YEATS2: variants seen among roughly 807,000 people sequenced by gnomAD.
YEATS2 encodes YEATS domain-containing protein 2.
YEATS2 carries 77 observed loss-of-function variants against 163.2 expected under a neutral mutation model. That is an observed-to-expected ratio of 0.47 (90% CI 0.39 to 0.57). The LOEUF is 0.57. YEATS2 is among the 20% of genes least tolerant of loss of function. YEATS2 has a pLI of 0.00. For missense variants in YEATS2, 1,549 were observed against 1,729.8 expected (o/e 0.90, Z 1.85); for synonymous variants, 631 against 645.1 (o/e 0.98, Z 0.33).
At chr3:183,808,965 T>A (rs1005560768) in intron 29 of YEATS2, 132 bp from the exon 30 acceptor site, 13 of 795,920 alleles carry the variant, frequency 1.6e-5, no homozygotes, top group African/African-American at 1.5e-4. Flanking sequence ...GGCCTTTAAT[T>A]TTTTCTTAAG....
intron 1 of YEATS2, among the ~76,000 whole-genome samples, chr3:183,705,846 T>C (rs1036727164): frequency 3.3e-5 from 5 of 152,228 alleles, no homozygotes; most frequent in Admixed American, 6.6e-5. Flanking sequence ...GAGACCATCC[T>C]GGCTAACATG....
chr3:183,794,416 C>T (rs896794446), intron 21 of YEATS2, among the ~76,000 whole-genome samples: 2 of 152,216 alleles, frequency 1.3e-5, no homozygotes, highest in Non-Finnish European at 2.9e-5. Flanking sequence ...TAGCATACTG[C>T]TGCTTTTCAA....
intron 16 of YEATS2, 66 bp downstream of exon 16, chr3:183,772,629 AT>A: frequency 6.3e-7 from 1 of 1,587,584 alleles, no homozygotes; most frequent in East Asian, 2.3e-5. Flanking sequence ...TTTGCTAGTG[AT>A]TTTATTTGCT....
Position 183,728,860 on chromosome 3 carries a change from G to T in YEATS2, c.812+9G>T. Reference sequence around the variant, plus strand: ...GACCTTGTGGAAGTTAGGTAAGCACGCTTGAGGTATTTAACCTAAATTGAA... The same window carrying T: ...GACCTTGTGGAAGTTAGGTAAGCACTCTTGAGGTATTTAACCTAAATTGAA... On this transcript the variant is annotated intron_variant, in intron 7 of 30. Transcript: ENST00000305135. The T allele has an allele frequency of 6.3e-7, 1 of 1,599,292 alleles. No individual in the cohort carries two copies. The highest frequency in any genetic ancestry group is 8.5e-7 in the Non-Finnish European group (1 of 1,175,344).
chr3:183,752,565 T>TGG (rs1157778638), intron 10 of YEATS2, among the ~76,000 whole-genome samples: 1 of 151,238 alleles, frequency 6.6e-6, no homozygotes, highest in Admixed American at 6.6e-5. Flanking sequence ...AAAATTTAGC[T>TGG]GGGTGTGATG....
chr3:183,782,909 G>A (rs971889234), intron 19 of YEATS2, among the ~76,000 whole-genome samples: 2 of 152,216 alleles, frequency 1.3e-5, no homozygotes, highest in African/African-American at 2.4e-5. Context: ...CTGAGAAATG[G>A]TTTAGTAAAA....
Position 183,754,287 on chromosome 3 carries a change from C to T in YEATS2, c.1312C>T (p.Pro438Ser). 6.2e-7 allele frequency: 1 copy of T among 1,614,134 alleles called. No homozygotes were observed. The change falls in exon 11 of 31, where the codon CCA becomes TCA. Residue 438 changes from proline to serine, a missense_variant. Transcript: ENST00000305135. ...AATAGCATCAAGCTGCAAAATTGTT[C>T]CACAAAGTCAGGTTCCTAATCCTGA... ...QPIASSCKIV[P>S]QSQVPNPESP...
chr3:183,742,045 CAAA>C (rs35894648), intron 8 of YEATS2, among the ~76,000 whole-genome samples: 2 of 125,358 alleles, frequency 1.6e-5, no homozygotes, highest in Non-Finnish European at 1.7e-5. Flanking sequence ...CTCATCTCTA[CAAA>C]AAAAAAAAAA....
chr3:183,709,640 T>G (rs1420464371), intron 1 of YEATS2, among the ~76,000 whole-genome samples: 1 of 151,582 alleles, frequency 6.6e-6, no homozygotes, highest in Non-Finnish European at 1.5e-5. Flanking sequence ...TTGCCCACAT[T>G]TACTTTTTAT....
intron 15 of YEATS2, among the ~76,000 whole-genome samples, chr3:183,762,700 T>C (rs1721498552): frequency 1.3e-5 from 2 of 148,548 alleles, no homozygotes; most frequent in African/African-American, 4.9e-5. Context: ...GTAGAGTTCT[T>C]TTTTTTTTTT....
chr3:183,717,524 G>T (rs1292882941), intron 2 of YEATS2, 127 bp from the exon 3 acceptor site: 1 of 627,738 alleles, frequency 1.6e-6, no homozygotes, highest in Admixed American at 3.8e-5. Flanking sequence ...CTTGGTTAAG[G>T]TGATGTCCAC....
chr3:183,712,679 A>G (rs1200977078), intron 1 of YEATS2, among the ~76,000 whole-genome samples: 2 of 152,122 alleles, frequency 1.3e-5, no homozygotes, highest in African/African-American at 4.8e-5. Flanking sequence ...CCTTATCTTA[A>G]TCAATAGATC....
At chr3:183,768,292 G>A (rs1722111913) in intron 15 of YEATS2, among the ~76,000 whole-genome samples, 1 of 152,196 alleles carries the variant, frequency 6.6e-6, no homozygotes, top group South Asian at 2.1e-4. Flanking sequence ...GGAGCAGGGG[G>A]AGGGAGAGCT....
intron 24 of YEATS2, chr3:183,800,904 T>C (rs960471514): frequency 9.2e-6 from 2 of 218,552 alleles, no homozygotes; most frequent in Admixed American, 1.1e-4. Context: ...GTGTACACGC[T>C]TTGTGACTGG....
chr3:183,772,161 C>T, intron 15 of YEATS2, 144 bp from the exon 16 acceptor site: 1 of 1,049,364 alleles, frequency 9.5e-7, no homozygotes, highest in Middle Eastern at 3.2e-4. Context: ...AGTTGCCGTT[C>T]ACACCTGTGT....
intron 7 of YEATS2, among the ~76,000 whole-genome samples, chr3:183,735,040 A>G (rs1469393112): frequency 6.6e-6 from 1 of 152,128 alleles, no homozygotes; most frequent in Non-Finnish European, 1.5e-5. Flanking sequence ...ATTTCCTGTT[A>G]AAAAGCATTG....
intron 30 of YEATS2, 167 bp from the exon 31 acceptor site, chr3:183,810,308 A>G: frequency 1.7e-6 from 1 of 588,188 alleles, no homozygotes; most frequent in Non-Finnish European, 3.1e-6. Flanking sequence ...TGCCTATGAC[A>G]GGAAGGCAGT....
chr3:183,775,826 G>C, intron 17 of YEATS2, 89 bp from the exon 18 acceptor site: 1 of 1,584,920 alleles, frequency 6.3e-7, no homozygotes, highest in Non-Finnish European at 8.6e-7. Context: ...GCACTAAAAG[G>C]GAAACATCTC....
Position 183,806,925 on chromosome 3 carries a change from C to T in YEATS2, c.3844C>T (p.Gln1282Ter). ...CTGCCGCAAACTGGAGGACCTGCAA[C>T]AGTTCCAGAAAAGGGAACCCGAGAA... ...NLCRKLEDLQ[Q>*]FQKREPENEE... Residue 1282 changes from glutamine to a stop codon, truncating the protein, a stop_gained, in exon 28 of 31, where the codon CAG becomes TAG. Transcript: ENST00000305135. LOFTEE classifies it high-confidence loss of function. The T allele has an allele frequency of 6.2e-7, 1 of 1,614,108 alleles. No individual in the cohort carries two copies. Among genetic ancestry groups the T allele is most frequent in the Non-Finnish European group, 8.5e-7 (1 of 1,180,020 alleles).
Sources: allele counts gnomAD v4.1 joint callset (sites outside exome capture counted in the v4.1 genomes callset), GRCh38; gene constraint gnomAD v4.1.1; transcripts MANE v1.5; gene names NCBI Gene and HGNC (gene_info 2026-07-23, HGNC 2026-07-21).